The following KDM5B variants were observed in gnomAD, a reference collection of about 807,000 sequenced individuals.
KDM5B encodes lysine-specific demethylase 5B.
In KDM5B, 144 loss-of-function variants were observed where a neutral mutation model predicts 193.4. That is an observed-to-expected ratio of 0.74 (90% CI 0.65 to 0.86). The LOEUF (loss-of-function observed/expected upper bound fraction) is 0.86, where lower values mean the gene tolerates loss of function less well. Among genes scored for constraint, KDM5B ranks in the 40% least tolerant of loss-of-function variants. The pLI is 0.00. For synonymous variants in KDM5B, 668 were observed against 682.6 expected, an observed-to-expected ratio of 0.98 and a Z score of 0.33; for missense variants, 1,833 against 1,886.9, an observed-to-expected ratio of 0.97 and a Z score of 0.53.
chr1:202,783,693 C>A (rs1278266779), intron 1 of KDM5B, among the ~76,000 whole-genome samples: 1 of 151,664 alleles, frequency 6.6e-6, no homozygotes, highest in Non-Finnish European at 1.5e-5. Context: ...CTGGCTAACA[C>A]GGTGAAACCC....
rs200638745 is a variant in KDM5B, at chr1:202,730,929, C to T, written c.4156G>A (p.Val1386Met). Residue 1386 changes from valine (V) to methionine (M), a missense_variant, in exon 25 of 27, where the codon GTG becomes ATG. Physicochemically the swap from Val to Met is conservative, Grantham distance 21. This residue lies in a region of KDM5B where 1,379 missense variants were observed against 1,349.6 expected (regional missense o/e 1.02). Transcript: ENST00000367265. ...PAQQTDRSSP[V>M]RPSSEKNDCC... ...CTCACCTTCTCACTGCTGGGTCTCA[C>T]TGGTGAGCTTCGGTCAGTCTGCTGA... 1.2e-5 allele frequency: 19 copies of T among 1,608,046 alleles called. No homozygotes were observed. The highest frequency in any genetic ancestry group is 1.5e-5 in the Non-Finnish European group (18 of 1,176,088).
intron 1 of KDM5B, among the ~76,000 whole-genome samples, chr1:202,783,635 C>T (rs866713091): frequency 4.5e-4 from 69 of 152,216 alleles, no homozygotes; most frequent in Middle Eastern, 3.4e-3. Flanking sequence ...CCCAGCACTT[C>T]GGGAGGCCGA....
chr1:202,802,445 T>A (rs1658114735), intron 1 of KDM5B, among the ~76,000 whole-genome samples: 1 of 152,086 alleles, frequency 6.6e-6, no homozygotes, highest in Non-Finnish European at 1.5e-5. Context: ...CAGGCTAGAG[T>A]GCAATGGAGT....
chr1:202,794,109 C>T (rs1657746186), intron 1 of KDM5B, among the ~76,000 whole-genome samples: 2 of 152,212 alleles, frequency 1.3e-5, no homozygotes, highest in Admixed American at 6.5e-5. Flanking sequence ...ATATCCACCC[C>T]TTTCCCCACT....
chr1:202,790,281 A>AATGG (rs56233815), intron 1 of KDM5B, among the ~76,000 whole-genome samples: 91,546 of 151,118 alleles, frequency 0.61, 31,015 homozygotes, highest in Middle Eastern at 0.77. Context: ...TGAATGAATG[A>AATGG]ATGGATGGAT....
At chr1:202,762,064 G>A (rs961618015) in intron 7 of KDM5B, among the ~76,000 whole-genome samples, 1 of 152,180 alleles carries the variant, frequency 6.6e-6, no homozygotes, top group Non-Finnish European at 1.5e-5. Flanking sequence ...TCAGAAGGGG[G>A]CAGAGAAGAA....
intron 4 of KDM5B, among the ~76,000 whole-genome samples, chr1:202,768,633 G>C (rs1656572676): frequency 1.3e-5 from 2 of 151,748 alleles, no homozygotes; most frequent in African/African-American, 4.8e-5. Context: ...ATCTACCACT[G>C]GTAATAGCGC....
At chr1:202,767,341 A>T in intron 4 of KDM5B, 2 of 1,603,230 alleles carry the variant, frequency 1.2e-6, no homozygotes, top group Non-Finnish European at 1.7e-6. Flanking sequence ...TGAAAATGGC[A>T]AATTCTTCCC....
At chr1:202,787,544 G>T (rs1213531547) in intron 1 of KDM5B, among the ~76,000 whole-genome samples, 1 of 151,970 alleles carries the variant, frequency 6.6e-6, no homozygotes, top group Admixed American at 6.6e-5. Context: ...TAAATAAACT[G>T]GGTTTTAATT....
chr1:202,726,969 G>A lies in KDM5B; in HGVS notation c.*2067C>T, dbSNP rs1396259196. 1 of 152,126 alleles carries A rather than the reference G, an allele frequency of 6.6e-6. No individual in the cohort carries two copies. The highest frequency in any genetic ancestry group is 1.5e-5 in the Non-Finnish European group (1 of 68,034). The allele number at this position is 152,126 out of a possible 1,614,324, so 9.4% of individuals were successfully genotyped here. ...TGATCAGTGGTTCTCATCCAGGGAG[G>A]GAGTGGTTCAAATACACACATGCCT... On this transcript the variant is annotated 3_prime_UTR_variant, in exon 27 of 27. Transcript: ENST00000367265.
rs112284833 is a variant in KDM5B at position 202,741,605 on chromosome 1, C to T, written c.2707G>A (p.Glu903Lys). 6.2e-7 allele frequency: 1 copy of T among 1,614,170 alleles called. No individual in the cohort carries two copies. The highest frequency in any genetic ancestry group is 1.7e-5 in the Admixed American group (1 of 60,028). The change falls in exon 19 of 27, where the codon GAA becomes AAA. Residue 903 changes from glutamate to lysine, a missense_variant. Coordinates refer to ENST00000367265, the MANE Select transcript of KDM5B (RefSeq NM_006618.5). The stretch of plus-strand genomic sequence containing the variant: ...CGCATCTCAGCAAGCTGTGGAAGTT[C>T]AACATCAAATTCAAAGCTGACATCT... ...LLDVSFEFDV[E>K]LPQLAEMRIR...
intron 5 of KDM5B, among the ~76,000 whole-genome samples, chr1:202,765,431 T>A (rs764112050): frequency 3.9e-5 from 6 of 152,230 alleles, no homozygotes; most frequent in Non-Finnish European, 8.8e-5. Flanking sequence ...TCATACATTT[T>A]AATGATGTCC....
At chr1:202,788,559 TGTATTGGTATTG>T (rs71142560) in intron 1 of KDM5B, among the ~76,000 whole-genome samples, 216 of 151,302 alleles carry the variant, frequency 1.4e-3, no homozygotes, top group South Asian at 5.6e-3. Flanking sequence ...TGATCTGTAT[TGTATTGGTATTG>T]GTATTGGTAT....
At chr1:202,793,692 G>A (rs901519706) in intron 1 of KDM5B, among the ~76,000 whole-genome samples, 1 of 152,032 alleles carries the variant, frequency 6.6e-6, no homozygotes, top group Non-Finnish European at 1.5e-5. Flanking sequence ...TTTCCTAGCT[G>A]GCTAATGTTA....
At chr1:202,753,664 G>GTTTTTTTTT (rs771281999) in intron 11 of KDM5B, among the ~76,000 whole-genome samples, 32 of 105,808 alleles carry the variant, frequency 3.0e-4, no homozygotes, top group Non-Finnish European at 4.3e-4. Context: ...TGTTGTTGTT[G>GTTTTTTTTT]TTTTTTTTTT....
intron 1 of KDM5B, 81 bp downstream of exon 1, chr1:202,808,021 C>A (rs963957553): frequency 2.2e-6 from 3 of 1,384,818 alleles, no homozygotes; most frequent in Middle Eastern, 4.9e-4. Context: ...CCGCCCCCCG[C>A]GCCTCGGGCC....
chr1:202,804,266 A>C (rs1259973936), intron 1 of KDM5B, among the ~76,000 whole-genome samples: 1 of 151,726 alleles, frequency 6.6e-6, no homozygotes. Context: ...TTTTTTTTTA[A>C]GTAGTTATAA....
intron 1 of KDM5B, among the ~76,000 whole-genome samples, chr1:202,786,664 T>C (rs1450781202): frequency 6.6e-6 from 1 of 152,238 alleles, no homozygotes; most frequent in Non-Finnish European, 1.5e-5. Context: ...CTTGACTGCA[T>C]GTTCTTTTAT....
At position 202,747,806 on chromosome 1, in the gene KDM5B, T is replaced by G. The variant is rs115168035; in HGVS notation, c.2016+1139A>C. ...ATAAAATTATACTATGTTCATGAAT[T>G]GGAAGACTCAATATTATTAAGATAT... On this transcript the variant is annotated intron_variant, in intron 14 of 26. Transcript: ENST00000367265. 7.7e-3 allele frequency among the ~76,000 whole-genome samples: 1,178 copies of G among 152,232 alleles called. 17 individuals carry two copies. Among genetic ancestry groups the G allele is most frequent in the African/African-American group, 0.027 (1,113 of 41,552 alleles).
Sources: gnomAD v4.1 joint callset for allele counts (sites outside exome capture counted in the v4.1 genomes callset) on GRCh38, gnomAD v4.1.1 for gene constraint, gnomAD v4.1.1 regional missense constraint, MANE v1.5 for transcripts, NCBI Gene and HGNC (gene_info 2026-07-23, HGNC 2026-07-21) for gene names.